Variants in GOLGA2 observed in about 807,000 individuals in gnomAD.
GOLGA2 encodes the protein golgin subfamily A member 2.
Under a neutral mutation model 148.8 loss-of-function variants are expected in GOLGA2, and 49 were observed. That is an observed-to-expected ratio of 0.33 (90% confidence interval 0.26 to 0.42). GOLGA2 has a LOEUF of 0.42. Ranked by LOEUF, GOLGA2 falls within the 10% of genes least tolerant of loss-of-function variation. GOLGA2 has a pLI of 1.00. For missense variants in GOLGA2, 1,178 were observed against 1,304.6 expected (o/e 0.90, Z 1.49); for synonymous variants, 501 against 511.8 (o/e 0.98, Z 0.28).
intron 13 of GOLGA2, 76 bp downstream of exon 13, chr9:128,262,958 C>T (rs534102057): frequency 2.0e-6 from 2 of 1,017,972 alleles, no homozygotes; most frequent in East Asian, 4.7e-5. Context: ...TCATGCTTAC[C>T]TGTACCCCCC....
At chr9:128,267,394 G>A (rs953770410) in intron 7 of GOLGA2, 64 bp downstream of exon 7, 34 of 1,485,904 alleles carry the variant, frequency 2.3e-5, no homozygotes, top group African/African-American at 1.1e-4. Context: ...CCCAGCCCCC[G>A]CTGTGGGAGG....
At chr9:128,275,601 GC>G in intron 1 of GOLGA2, 1 of 896,962 alleles carries the variant, frequency 1.1e-6, no homozygotes, top group Non-Finnish European at 1.6e-6. Context: ...GGAGACGCCA[GC>G]CCAAAGAGCC....
chr9:128,263,579 G>A (rs1225361625), intron 12 of GOLGA2, among the ~76,000 whole-genome samples: 13 of 152,028 alleles, frequency 8.6e-5, no homozygotes, highest in African/African-American at 3.1e-4. Flanking sequence ...CACCACACCC[G>A]GCTAATTTTT....
At chr9:128,263,512 G>C (rs2131354499) in intron 12 of GOLGA2, among the ~76,000 whole-genome samples, 1 of 152,204 alleles carries the variant, frequency 6.6e-6, no homozygotes, top group South Asian at 2.1e-4. Context: ...CCGCCTCCCG[G>C]GTTCATGCCA....
rs1235106172 is a variant in GOLGA2, at chr9:128,258,510, G to A, written c.2234C>T (p.Ala745Val). Residue 745 changes from alanine (A) to valine (V), a missense_variant, in exon 22 of 27, where the codon GCA (alanine) becomes GTA (valine). Coordinates refer to ENST00000611957, the MANE Select transcript of GOLGA2 (RefSeq NM_001366244.2). The surrounding 1 kb of genome is among the most constrained non-coding windows in gnomAD (Gnocchi z 6.6). ...GATGCTTGGCATGGGCTGAGGTACT[G>A]CCACCGCCTCCTCCTCCTCCTCCTC... ...DEEEEEEEAV[A>V]VPQPMPSIPE... 2 of 1,597,764 alleles carry A rather than the reference G, an allele frequency of 1.3e-6. No homozygotes were observed. The highest frequency in any genetic ancestry group is 2.3e-5 in the East Asian group (1 of 44,298).
Position 128,260,329 on chromosome 9 carries a change from G to A in GOLGA2, c.1758+136C>T. On this transcript the variant is annotated intron_variant, in intron 18 of 26. Transcript: ENST00000611957. This position sits in a 1 kb window ranked among gnomAD's most constrained non-coding sequence, Gnocchi z 4.8. ...CATCCCCTCTCCCCCACAGCCATCG[G>A]AGCAGGGCTCTGGCTCACAGATGCC... 1 of 1,079,156 alleles carries A rather than the reference G, an allele frequency of 9.3e-7. No homozygotes were observed. The highest frequency in any genetic ancestry group is 1.3e-5 in the South Asian group (1 of 78,888). 66.8% of individuals were successfully genotyped at this position (1,079,156 alleles called of 1,614,324 possible).
chr9:128,275,876 G>A lies in GOLGA2; in HGVS notation c.84+17C>T, dbSNP rs1300796613. ...GGCTGGGGCTGGGTCGGGGGGCCGCGACCCGGTGCACTTTACCTTTTTCTT... is the reference window on the plus strand; with the variant it reads ...GGCTGGGGCTGGGTCGGGGGGCCGCAACCCGGTGCACTTTACCTTTTTCTT... On this transcript the variant is annotated intron_variant, in intron 1 of 26. Transcript: ENST00000611957. 5 of 1,451,032 alleles carry A rather than the reference G, an allele frequency of 3.4e-6. No individual in the cohort carries two copies. Among genetic ancestry groups the A allele is most frequent in the Admixed American group, 2.1e-5 (1 of 48,748 alleles). 89.9% of individuals were successfully genotyped at this position (1,451,032 alleles called of 1,614,324 possible). A position where few individuals can be genotyped will look rare whatever the true frequency, so the allele number is the denominator to read the frequency against.
chr9:128,266,350 T>G lies in GOLGA2; in HGVS notation c.643-25A>C, dbSNP rs1381700697. On this transcript the variant is annotated intron_variant, in intron 8 of 26. Transcript: ENST00000611957. The surrounding 1 kb of genome is among the most constrained non-coding windows in gnomAD (Gnocchi z 4.2). ...TCTGTGGGGAAGAGTCAAAGGAAGGTGACTGAGGGTGGCCCCCTCAACTCT... is the reference window on the plus strand; with the variant it reads ...TCTGTGGGGAAGAGTCAAAGGAAGGGGACTGAGGGTGGCCCCCTCAACTCT... 5 of 1,607,150 alleles carry G rather than the reference T, an allele frequency of 3.1e-6. No homozygotes were observed. Among genetic ancestry groups the G allele is most frequent in the Non-Finnish European group, 4.3e-6 (5 of 1,174,826 alleles).
intron 2 of GOLGA2, 85 bp downstream of exon 2, chr9:128,273,765 C>G (rs1189229491): frequency 6.6e-7 from 1 of 1,508,930 alleles, no homozygotes; most frequent in Non-Finnish European, 9.1e-7. Flanking sequence ...AATCAGTACC[C>G]AACAGTTCTT....
chr9:128,260,914 G>C lies in GOLGA2; in HGVS notation c.1421-112C>G. 1 of 756,296 alleles carries C rather than the reference G, an allele frequency of 1.3e-6. No homozygotes were observed. Among genetic ancestry groups the C allele is most frequent in the Non-Finnish European group, 2.1e-6 (1 of 468,108 alleles). The allele number at this position is 756,296 out of a possible 1,614,324, so 46.8% of individuals were successfully genotyped here. On this transcript the variant is annotated intron_variant, in intron 17 of 26. Coordinates refer to ENST00000611957, the MANE Select transcript of GOLGA2 (RefSeq NM_001366244.2). This position sits in a 1 kb window ranked among gnomAD's most constrained non-coding sequence, Gnocchi z 4.8. ...TTGGCCTCCCTGCTGATGATTCCTC[G>C]CACCCGGATGTTAGCCAATCTTCCA...
chr9:128,257,774 C>T lies in GOLGA2; in HGVS notation c.2611+16G>A. 6.2e-7 allele frequency: 1 copy of T among 1,612,352 alleles called. No homozygotes were observed. The highest frequency in any genetic ancestry group is 8.5e-7 in the Non-Finnish European group (1 of 1,178,322). On this transcript the variant is annotated intron_variant, in intron 24 of 26. Transcript: ENST00000611957. This position sits in a 1 kb window ranked among gnomAD's most constrained non-coding sequence, Gnocchi z 8.0. Reference sequence around the variant, plus strand: ...GCTGTGCAGCTCCTCCTGCCGTGCCCTGGCCTCCCACTCACCAATGGTGTC... The same window carrying T: ...GCTGTGCAGCTCCTCCTGCCGTGCCTTGGCCTCCCACTCACCAATGGTGTC...
At position 128,271,402 on chromosome 9, in the gene GOLGA2, G is replaced by C. The variant is rs1394800342; in HGVS notation, c.288+1383C>G. Reference sequence around the variant, plus strand: ...CCATACCCATCTCCAACAGGATCAGGCTCTATTCGTGCCCTGCTCCTCTGG... The same window carrying C: ...CCATACCCATCTCCAACAGGATCAGCCTCTATTCGTGCCCTGCTCCTCTGG... On this transcript the variant is annotated intron_variant, in intron 3 of 26. Transcript: ENST00000611957. This position sits in a 1 kb window ranked among gnomAD's most constrained non-coding sequence, Gnocchi z 4.4. 6.6e-6 allele frequency among the ~76,000 whole-genome samples: 1 copy of C among 152,174 alleles called. No homozygotes were observed. The highest frequency in any genetic ancestry group is 2.1e-4 in the South Asian group (1 of 4,824).
rs1830933777 is a variant in GOLGA2, at chr9:128,271,344, G to A, written c.288+1441C>T. Among the ~76,000 whole-genome samples the A allele has an allele frequency of 6.6e-6, 1 of 152,196 alleles. No individual in the cohort carries two copies. The highest frequency in any genetic ancestry group is 2.4e-5 in the African/African-American group (1 of 41,446). On this transcript the variant is annotated intron_variant, in intron 3 of 26. Coordinates refer to ENST00000611957, the MANE Select transcript of GOLGA2 (RefSeq NM_001366244.2). This position sits in a 1 kb window ranked among gnomAD's most constrained non-coding sequence, Gnocchi z 4.4. The stretch of plus-strand genomic sequence containing the variant: ...TATGAGACTGGACAACTCTCTAACA[G>A]CAGCCAAGGCTGCTCTGTCTCAGTC...
intron 3 of GOLGA2, 92 bp from the exon 4 acceptor site, chr9:128,268,616 G>C: frequency 1.4e-6 from 1 of 696,144 alleles, no homozygotes; most frequent in South Asian, 1.6e-5. Flanking sequence ...TAGGACAGGT[G>C]TTGCTGCAGT....
At chr9:128,275,771 C>T (rs985642918) in intron 1 of GOLGA2, 122 bp downstream of exon 1, 9 of 612,044 alleles carry the variant, frequency 1.5e-5, no homozygotes, top group Admixed American at 7.3e-5. Flanking sequence ...TGGAGGGAGC[C>T]CGGACGCGCC....
At position 128,259,368 on chromosome 9, in the gene GOLGA2, A is replaced by G; in HGVS notation, c.1896T>C (p.Ala632=). ...KETVELKSQE[A]QSLQQQRDQY... The stretch of plus-strand genomic sequence containing the variant: ...GGTCTCGCTGCTGCTGCAGACTTTG[A>G]GCCTCTTGGCTCTTCAGCTCCACCT... Residue 632 remains alanine, a synonymous_variant, in exon 20 of 27, where the codon GCT becomes GCC. Coordinates refer to ENST00000611957, the MANE Select transcript of GOLGA2 (RefSeq NM_001366244.2). 1 of 1,594,098 alleles carries G rather than the reference A, an allele frequency of 6.3e-7. No individual in the cohort carries two copies.
chr9:128,262,654 A>C lies in GOLGA2; in HGVS notation c.1043T>G (p.Leu348Arg), dbSNP rs1376226796. 1 of 1,613,880 alleles carries C rather than the reference A, an allele frequency of 6.2e-7. No individual in the cohort carries two copies. The highest frequency in any genetic ancestry group is 8.5e-7 in the Non-Finnish European group (1 of 1,179,740). ...AGCCTTCTCAGTCACTAGGACCCGA[A>C]GCTTCTCTTCCAATTCTGATTTCTC... ...KQEKSELEEK[L>R]RVLVTEKAGM... Residue 348 changes from leucine (L) to arginine (R), a missense_variant, in exon 14 of 27, where the codon CTT becomes CGT. Physicochemically the swap from Leu to Arg is moderately radical, Grantham distance 102 (BLOSUM62 -2). This residue lies in a region of GOLGA2 where 304 missense variants were observed against 404.1 expected (regional missense o/e 0.75). Transcript: ENST00000611957.
intron 12 of GOLGA2, among the ~76,000 whole-genome samples, chr9:128,264,541 C>T (rs1830482129): frequency 6.6e-6 from 1 of 152,192 alleles, no homozygotes; most frequent in Admixed American, 6.5e-5. Context: ...ATTCTCCTGC[C>T]TCAGCCTCCC....
intron 3 of GOLGA2, among the ~76,000 whole-genome samples, chr9:128,272,003 C>A (rs1281371373): frequency 2.7e-5 from 4 of 150,922 alleles, no homozygotes; most frequent in Non-Finnish European, 5.9e-5. Flanking sequence ...TTCTTTTAAC[C>A]CTTTGTTCCC....
Sources: gnomAD v4.1 joint callset for allele counts (sites outside exome capture counted in the v4.1 genomes callset) on GRCh38, gnomAD v4.1.1 for gene constraint, gnomAD v4.1.1 regional missense constraint, Gnocchi (gnomAD v3.1) non-coding constraint, MANE v1.5 for transcripts, NCBI Gene and HGNC (gene_info 2026-07-23, HGNC 2026-07-21) for gene names.